SUFU: variants seen among roughly 807,000 people sequenced by gnomAD.
The protein encoded by SUFU is suppressor of fused homolog.
Under a neutral mutation model 58.9 loss-of-function variants are expected in SUFU, and 7 were observed. The observed-to-expected ratio is 0.12, with a 90% CI of 0.07 to 0.22. SUFU has a LOEUF of 0.22. Ranked by LOEUF, SUFU falls within the 10% of genes least tolerant of loss-of-function variation. SUFU has a pLI of 1.00. For synonymous variants in SUFU, 232 were observed against 254.8 expected (o/e 0.91, Z 0.85); for missense variants, 451 against 641.3 (o/e 0.70, Z 3.20).
At position 102,625,780 on chromosome 10, in the gene SUFU, C is replaced by A. The variant is rs1484480624; in HGVS notation, c.1297-1395C>A. On this transcript the variant is annotated intron_variant, in intron 10 of 11. Coordinates refer to ENST00000369902, the MANE Select transcript of SUFU (RefSeq NM_016169.4). This position sits in a 1 kb window ranked among gnomAD's most constrained non-coding sequence, Gnocchi z 4.7. ...GGGGTAGTGTTCTTATTTCTCACTC[C>A]CTCCTCCACCCCGTCCACTTCTTGC... Among the ~76,000 whole-genome samples the A allele has an allele frequency of 6.6e-6, 1 of 152,160 alleles. No individual in the cohort carries two copies. Among genetic ancestry groups the A allele is most frequent in the Non-Finnish European group, 1.5e-5 (1 of 68,034 alleles).
chr10:102,522,224 C>T (rs1298008691), intron 2 of SUFU, among the ~76,000 whole-genome samples: 2 of 152,182 alleles, frequency 1.3e-5, no homozygotes, highest in Admixed American at 6.5e-5. Flanking sequence ...CATTTTTCCT[C>T]CTTGACGTCT....
rs2063849195 is a variant in SUFU at position 102,632,869 on chromosome 10, A to T, written c.*2714A>T. 1 of 233,122 alleles carries T rather than the reference A, an allele frequency of 4.3e-6. No homozygotes were observed. Among genetic ancestry groups the T allele is most frequent in the Admixed American group, 5.6e-5 (1 of 17,760 alleles). 14.4% of individuals were successfully genotyped at this position (233,122 alleles called of 1,614,324 possible). On this transcript the variant is annotated 3_prime_UTR_variant, in exon 12 of 12. Coordinates refer to ENST00000369902, the MANE Select transcript of SUFU (RefSeq NM_016169.4). ...AGTGTGGGCTGCAGGAGGACTGCAG[A>T]CTCAGCTGCAATTCTGAGGGGGGTT...
intron 3 of SUFU, chr10:102,591,768 TGA>T (rs2135864080): frequency 6.6e-6 from 1 of 152,326 alleles, no homozygotes; most frequent in South Asian, 2.1e-4. Flanking sequence ...GCACCCACGA[TGA>T]GAGTCAGAGC....
At chr10:102,605,891 C>T (rs2063558317) in intron 8 of SUFU, among the ~76,000 whole-genome samples, 1 of 152,088 alleles carries the variant, frequency 6.6e-6, no homozygotes, top group African/African-American at 2.4e-5. Context: ...CCTGGGCATC[C>T]CCAAGGAGAA....
In SUFU at chr10:102,619,612, G is replaced by T; in HGVS notation, c.1296+2184G>T. The T allele has an allele frequency of 1.5e-6, 1 of 673,776 alleles. No homozygotes were observed. Among genetic ancestry groups the T allele is most frequent in the Non-Finnish European group, 1.9e-6 (1 of 530,292 alleles). 41.7% of individuals were successfully genotyped at this position (673,776 alleles called of 1,614,324 possible). On this transcript the variant is annotated intron_variant, in intron 10 of 11. Coordinates refer to ENST00000369902, the MANE Select transcript of SUFU (RefSeq NM_016169.4). The surrounding 1 kb of genome is among the most constrained non-coding windows in gnomAD (Gnocchi z 4.2). ...TCTCAGGCCCTTTCCAAGGAGCCCT[G>T]GGAAACCCTCTGACCCTGCCCCCAG... is the stretch of plus-strand genomic sequence containing the variant.
chr10:102,609,199 C>T (rs2063595892), intron 8 of SUFU, among the ~76,000 whole-genome samples: 1 of 152,110 alleles, frequency 6.6e-6, no homozygotes, highest in Non-Finnish European at 1.5e-5. Context: ...AATAATGCCT[C>T]TTTATAGAGT....
intron 1 of SUFU, among the ~76,000 whole-genome samples, chr10:102,507,960 C>T (rs1252072760): frequency 1.5e-5 from 2 of 130,766 alleles, no homozygotes; most frequent in Admixed American, 1.6e-4. Context: ...ATTTCTTATC[C>T]ATTTTTTTTT....
intron 2 of SUFU, among the ~76,000 whole-genome samples, chr10:102,533,730 T>C (rs1304116062): frequency 6.6e-6 from 1 of 152,198 alleles, no homozygotes; most frequent in Non-Finnish European, 1.5e-5. Context: ...CTTTTACCTG[T>C]CTCTTTCATT....
chr10:102,614,315 G>A (rs1042441124), intron 8 of SUFU, among the ~76,000 whole-genome samples: 2 of 152,188 alleles, frequency 1.3e-5, no homozygotes, highest in African/African-American at 4.8e-5. Flanking sequence ...CAGCACTTTG[G>A]GAGGCCGAGG....
At chr10:102,581,774 C>T (rs2063282888) in intron 3 of SUFU, among the ~76,000 whole-genome samples, 1 of 152,172 alleles carries the variant, frequency 6.6e-6, no homozygotes, top group African/African-American at 2.4e-5. Flanking sequence ...CTGCTAAGCC[C>T]CCCTAGGACC....
chr10:102,595,830 G>A (rs1021472514), intron 6 of SUFU, among the ~76,000 whole-genome samples: 17 of 152,174 alleles, frequency 1.1e-4, no homozygotes, highest in Non-Finnish European at 2.5e-4. Flanking sequence ...CTAACCAGCT[G>A]TGTGCCCAAA....
At chr10:102,627,349 C>G in intron 11 of SUFU, 106 bp downstream of exon 11, 1 of 1,050,174 alleles carries the variant, frequency 9.5e-7, no homozygotes, top group East Asian at 2.4e-5. Flanking sequence ...ACCTGTGGTG[C>G]GTGTGTGCTT....
At chr10:102,543,739 CT>C (rs1418846470) in intron 2 of SUFU, among the ~76,000 whole-genome samples, 1 of 152,140 alleles carries the variant, frequency 6.6e-6, no homozygotes, top group African/African-American at 2.4e-5. Flanking sequence ...AACATATGGT[CT>C]TTTGTGACTG....
intron 3 of SUFU, among the ~76,000 whole-genome samples, chr10:102,570,448 G>A (rs961263289): frequency 2.6e-5 from 4 of 152,102 alleles, no homozygotes; most frequent in Non-Finnish European, 5.9e-5. Context: ...TCACCATGTT[G>A]ACCAGGCTGG....
chr10:102,580,526 G>T lies in SUFU; in HGVS notation c.455-12056G>T, dbSNP rs149369775. Among the ~76,000 whole-genome samples, 412 of 152,240 alleles carry T rather than the reference G, an allele frequency of 2.7e-3. 1 individual carries two copies. The highest frequency in any genetic ancestry group is 3.4e-3 in the Middle Eastern group (1 of 294). On this transcript the variant is annotated intron_variant, in intron 3 of 11. Transcript: ENST00000369902. Reference sequence around the variant, plus strand: ...ATGGAGCCGGGTAGGCAGGGAAGTGGAGGGAGGTGCTCACTCTCAGCTTTA... The same window carrying T: ...ATGGAGCCGGGTAGGCAGGGAAGTGTAGGGAGGTGCTCACTCTCAGCTTTA...
intron 3 of SUFU, among the ~76,000 whole-genome samples, chr10:102,565,345 A>G (rs765007619): frequency 6.6e-6 from 1 of 152,202 alleles, no homozygotes; most frequent in African/African-American, 2.4e-5. Flanking sequence ...CCGAGAAATG[A>G]GTTGCCTTAG....
chr10:102,612,652 G>T (rs1047500032), intron 8 of SUFU, among the ~76,000 whole-genome samples: 1 of 152,106 alleles, frequency 6.6e-6, no homozygotes, highest in African/African-American at 2.4e-5. Context: ...TCTCTAGCAC[G>T]CCCTGCCTGG....
chr10:102,590,176 T>TTTTTTTTTTTTTTTTTG (rs2063382801), intron 3 of SUFU, among the ~76,000 whole-genome samples: 1 of 129,484 alleles, frequency 7.7e-6, no homozygotes, highest in African/African-American at 3.0e-5. Flanking sequence ...TTTTTTTTTT[T>TTTTTTTTTTTTTTTTTG]GAGACAGAGT....
rs187793305 is a variant in SUFU, at chr10:102,553,656, G to C, written c.454+3550G>C. On this transcript the variant is annotated intron_variant, in intron 3 of 11. Coordinates refer to ENST00000369902, the MANE Select transcript of SUFU (RefSeq NM_016169.4). The stretch of plus-strand genomic sequence containing the variant: ...TTTTTTGCGTTTTTAGTAGAGATGG[G>C]GCTTCACTGTGTTAGCTAGAATGGT... 1.8e-3 allele frequency among the ~76,000 whole-genome samples: 279 copies of C among 152,196 alleles called. 3 individuals carry two copies. The highest frequency in any genetic ancestry group is 6.6e-3 in the African/African-American group (274 of 41,522).
Sources: gnomAD v4.1 joint callset for allele counts (sites outside exome capture counted in the v4.1 genomes callset) on GRCh38, gnomAD v4.1.1 for gene constraint, Gnocchi (gnomAD v3.1) non-coding constraint, MANE v1.5 for transcripts, NCBI Gene and HGNC (gene_info 2026-07-23, HGNC 2026-07-21) for gene names.